The following FGF14 variants were observed in gnomAD, a reference collection of about 807,000 sequenced individuals.
The protein encoded by FGF14 is fibroblast growth factor homologous factor 4.
A neutral mutation model predicts 25.5 loss-of-function variants in FGF14; 5 were observed. That is an observed-to-expected ratio of 0.20 (90% confidence interval 0.10 to 0.41). The LOEUF (loss-of-function observed/expected upper bound fraction) is 0.41. Ranked by LOEUF, FGF14 falls within the 10% of genes least tolerant of loss-of-function variation. The probability of loss-of-function intolerance (pLI) is 1.00; values close to 1 mark genes in which losing one functional copy is unlikely to be tolerated. For missense variants in FGF14, 222 were observed against 320.1 expected (o/e 0.69, Z 2.34); for synonymous variants, 138 against 118.3 (o/e 1.17, Z -1.08).
intron 3 of FGF14, among the ~76,000 whole-genome samples, chr13:101,747,800 A>C (rs574136631): frequency 6.6e-6 from 1 of 152,076 alleles, no homozygotes; most frequent in South Asian, 2.1e-4. Context: ...AAAACACCAC[A>C]TTAAAAAGTG....
chr13:102,217,230 C>A (rs2050412703), intron 1 of FGF14, among the ~76,000 whole-genome samples: 1 of 152,118 alleles, frequency 6.6e-6, no homozygotes, highest in South Asian at 2.1e-4. Context: ...CACTAATTCC[C>A]AGAAAAGAAA....
chr13:102,180,524 G>T (rs1408713094), intron 1 of FGF14, among the ~76,000 whole-genome samples: 1 of 152,060 alleles, frequency 6.6e-6, no homozygotes, highest in Non-Finnish European at 1.5e-5. Context: ...TGTTGGCCAG[G>T]CTGGTTTTGA....
chr13:102,130,002 A>G (rs929560170), intron 1 of FGF14, among the ~76,000 whole-genome samples: 2 of 152,220 alleles, frequency 1.3e-5, no homozygotes, highest in African/African-American at 4.8e-5. Flanking sequence ...GCTTAAAACT[A>G]CATAAATTTA....
intron 1 of FGF14, among the ~76,000 whole-genome samples, chr13:102,134,286 T>TA (rs1371719345): frequency 2.6e-5 from 4 of 152,148 alleles, no homozygotes; most frequent in African/African-American, 9.7e-5. Flanking sequence ...ATTCTTCCCA[T>TA]TGCTTAGGAA....
chr13:101,909,114 T>A (rs991638980), intron 1 of FGF14, among the ~76,000 whole-genome samples: 1 of 152,028 alleles, frequency 6.6e-6, no homozygotes, highest in Non-Finnish European at 1.5e-5. Context: ...AGACTTAAAC[T>A]TTAGACCTAA....
In FGF14 at chr13:102,092,787, A is replaced by G. The variant is rs1448182001; in HGVS notation, c.209-217491T>C. On this transcript the variant is annotated intron_variant, in intron 1 of 4. Transcript: ENST00000376131. ...GGTGAACACAATTATCAGTCTAGTT[A>G]CCCTGGAGCACCCTAACACAAGACA... Among the ~76,000 whole-genome samples, 6 of 152,318 alleles carry G rather than the reference A, an allele frequency of 3.9e-5. No individual in the cohort carries two copies. In the East Asian group the frequency reaches 1.2e-3, roughly 29 times the overall value.
intron 3 of FGF14, among the ~76,000 whole-genome samples, chr13:101,727,746 T>C (rs2035538320): frequency 6.6e-6 from 1 of 152,076 alleles, no homozygotes; most frequent in Non-Finnish European, 1.5e-5. Flanking sequence ...CTATTAAAAA[T>C]AAATTTGAAG....
intron 1 of FGF14, among the ~76,000 whole-genome samples, chr13:102,122,770 A>G (rs1253720983): frequency 6.6e-6 from 1 of 152,208 alleles, no homozygotes; most frequent in Non-Finnish European, 1.5e-5. Context: ...CTTATTGAGG[A>G]TGTAAATATT....
intron 1 of FGF14, among the ~76,000 whole-genome samples, chr13:102,370,978 T>C (rs561021959): frequency 6.6e-6 from 1 of 151,864 alleles, no homozygotes; most frequent in South Asian, 2.1e-4. Context: ...CAAATCCTAA[T>C]AATTCTAACT....
intron 1 of FGF14, among the ~76,000 whole-genome samples, chr13:101,980,449 T>C (rs960939585): frequency 1.3e-5 from 2 of 152,186 alleles, no homozygotes; most frequent in African/African-American, 2.4e-5. Context: ...AGAAGTCTAC[T>C]GTAAATGATA....
chr13:102,104,311 G>T (rs2044801177), intron 1 of FGF14, among the ~76,000 whole-genome samples: 2 of 152,252 alleles, frequency 1.3e-5, no homozygotes, highest in Admixed American at 1.3e-4. Context: ...AATATCTTCA[G>T]AACAATGACC....
intron 1 of FGF14, among the ~76,000 whole-genome samples, chr13:102,239,071 G>A (rs1255162722): frequency 2.9e-5 from 3 of 104,206 alleles, no homozygotes; most frequent in Middle Eastern, 5.4e-3. Flanking sequence ...TCAGTAACTC[G>A]CTGGTTAAAA....
chr13:102,228,267 C>T (rs1182572140), intron 1 of FGF14, among the ~76,000 whole-genome samples: 1 of 152,128 alleles, frequency 6.6e-6, no homozygotes, highest in Non-Finnish European at 1.5e-5. Flanking sequence ...AGTTTCTCAA[C>T]GGTAGCTTTA....
intron 1 of FGF14, among the ~76,000 whole-genome samples, chr13:101,889,723 A>G (rs2046175051): frequency 1.3e-5 from 2 of 152,112 alleles, no homozygotes; most frequent in Non-Finnish European, 1.5e-5. Flanking sequence ...TCTGAAACCT[A>G]CCCCATGCAA....
intron 1 of FGF14, among the ~76,000 whole-genome samples, chr13:102,361,128 C>G (rs1212174073): frequency 6.6e-6 from 1 of 152,034 alleles, no homozygotes; most frequent in African/African-American, 2.4e-5. Flanking sequence ...TATAATACAG[C>G]AATATTAATT....
In FGF14 at chr13:101,717,617, T is replaced by C. The variant is rs143875764; in HGVS notation, c.*5214A>G. The C allele has an allele frequency of 6.0e-4, 91 of 152,280 alleles. No homozygotes were observed. Among genetic ancestry groups the C allele is most frequent in the African/African-American group, 2.0e-3 (82 of 41,566 alleles). 9.4% of individuals were successfully genotyped at this position (152,280 alleles called of 1,614,324 possible). ...ACGGCGCTTATCCTCCTATTAAGGATCAGAAAGTTAAACTTTACGGACCAC... is the reference window on the plus strand; with the variant it reads ...ACGGCGCTTATCCTCCTATTAAGGACCAGAAAGTTAAACTTTACGGACCAC... On this transcript the variant is annotated 3_prime_UTR_variant, in exon 5 of 5. Transcript: ENST00000376143.
chr13:102,181,513 C>G (rs1483770513), intron 1 of FGF14, among the ~76,000 whole-genome samples: 1 of 151,994 alleles, frequency 6.6e-6, no homozygotes, highest in African/African-American at 2.4e-5. Context: ...ATAACTGATG[C>G]CTTATAAGAA....
chr13:102,275,506 TA>T (rs1400360233), intron 1 of FGF14, among the ~76,000 whole-genome samples: 1 of 152,166 alleles, frequency 6.6e-6, no homozygotes, highest in African/African-American at 2.4e-5. Flanking sequence ...GAAAAGATGA[TA>T]AAAATGAATT....
intron 1 of FGF14, among the ~76,000 whole-genome samples, chr13:102,371,183 C>T (rs1364683162): frequency 2.0e-5 from 3 of 152,112 alleles, no homozygotes; most frequent in East Asian, 1.9e-4. Flanking sequence ...GTTGACTATA[C>T]AATAAAAACA....
Sources: gnomAD v4.1 joint callset for allele counts (sites outside exome capture counted in the v4.1 genomes callset) on GRCh38, gnomAD v4.1.1 for gene constraint, MANE v1.5 for transcripts, NCBI Gene and HGNC (gene_info 2026-07-23, HGNC 2026-07-21) for gene names.